LMBR1: variants seen among roughly 807,000 people sequenced by gnomAD.
LMBR1 encodes limb region 1 protein homolog.
A neutral mutation model predicts 73.9 loss-of-function variants in LMBR1; 52 were observed. The ratio of observed to expected loss-of-function variants is 0.70; its 90% CI spans 0.56 to 0.89. The LOEUF (loss-of-function observed/expected upper bound fraction) is 0.89. LMBR1 is among the 40% of genes least tolerant of loss of function. The pLI, the probability that LMBR1 is intolerant of heterozygous loss-of-function variation, is 0.00. For missense variants in LMBR1, 539 were observed against 579.8 expected, an observed-to-expected ratio of 0.93 and a Z score of 0.72; for synonymous variants, 215 against 209.4, an observed-to-expected ratio of 1.03 and a Z score of -0.23.
Position 156,684,041 on chromosome 7 carries a change from C to A in LMBR1, c.*37G>T, listed in dbSNP as rs565722197. On this transcript the variant is annotated 3_prime_UTR_variant, in exon 17 of 17. Coordinates refer to ENST00000353442, the MANE Select transcript of LMBR1 (RefSeq NM_022458.4). ...AGGAATGTCGTGAATCTGGAGTTCTCGGGTCTCTTGGTGGCAGAAGACGCC... is the reference window on the plus strand; with the variant it reads ...AGGAATGTCGTGAATCTGGAGTTCTAGGGTCTCTTGGTGGCAGAAGACGCC... 1 of 1,518,714 alleles carries A rather than the reference C, an allele frequency of 6.6e-7. No homozygotes were observed. Among genetic ancestry groups the A allele is most frequent in the Non-Finnish European group, 9.1e-7 (1 of 1,095,178 alleles). 94.1% of individuals were successfully genotyped at this position (1,518,714 alleles called of 1,614,324 possible).
At chr7:156,840,660 T>C (rs1439717073) in intron 1 of LMBR1, among the ~76,000 whole-genome samples, 1 of 151,838 alleles carries the variant, frequency 6.6e-6, no homozygotes, top group Non-Finnish European at 1.5e-5. Flanking sequence ...ATAAGTGCTA[T>C]GCAGAAAATA....
chr7:156,749,903 G>A (rs1023101948), intron 9 of LMBR1, among the ~76,000 whole-genome samples: 1 of 151,938 alleles, frequency 6.6e-6, no homozygotes, highest in Non-Finnish European at 1.5e-5. Context: ...TGGCCAGGTG[G>A]GTCTTGAACT....
Position 156,725,781 on chromosome 7 carries a change from A to C in LMBR1, c.1050T>G (p.Leu350=). ...LSTFGFVGAA[L]EIILIFYLMV... ...AAGGATACAAAATCAAAATGATTTC[A>C]AGCGCAGCTCCCACAAAACCAAACG... The change falls in exon 13 of 17, where the codon CTT becomes CTG. Residue 350 remains leucine (L), a synonymous_variant. Coordinates refer to ENST00000353442, the MANE Select transcript of LMBR1 (RefSeq NM_022458.4). The C allele has an allele frequency of 6.2e-7, 1 of 1,613,654 alleles. No homozygotes were observed. Among genetic ancestry groups the C allele is most frequent in the South Asian group, 1.1e-5 (1 of 90,994 alleles).
chr7:156,820,069 C>T (rs981176394), intron 4 of LMBR1, among the ~76,000 whole-genome samples: 1 of 152,176 alleles, frequency 6.6e-6, no homozygotes, highest in Admixed American at 6.5e-5. Context: ...TCCCACTACA[C>T]CCCCATTCGA....
At chr7:156,842,380 T>C (rs1217081111) in intron 1 of LMBR1, among the ~76,000 whole-genome samples, 1 of 140,576 alleles carries the variant, frequency 7.1e-6, no homozygotes, top group East Asian at 2.1e-4. Flanking sequence ...CAAAGACAGT[T>C]ATTTAATTAA....
At chr7:156,694,624 A>G (rs1585219334) in intron 15 of LMBR1, among the ~76,000 whole-genome samples, 1 of 152,234 alleles carries the variant, frequency 6.6e-6, no homozygotes, top group East Asian at 1.9e-4. Context: ...GCAGAGAAAA[A>G]GTAAAATTAT....
chr7:156,735,151 AGATTGCT>A (rs1401157245), intron 9 of LMBR1, among the ~76,000 whole-genome samples: 1 of 152,224 alleles, frequency 6.6e-6, no homozygotes, highest in Non-Finnish European at 1.5e-5. Context: ...CCCAAAACTT[AGATTGCT>A]GAGTAGGGTA....
intron 1 of LMBR1, among the ~76,000 whole-genome samples, chr7:156,866,928 T>A (rs1301749262): frequency 6.6e-6 from 1 of 152,190 alleles, no homozygotes; most frequent in Non-Finnish European, 1.5e-5. Context: ...AAGATCCTTG[T>A]GATAGTTCTT....
chr7:156,713,070 T>C (rs1812415607), intron 15 of LMBR1, among the ~76,000 whole-genome samples: 1 of 152,156 alleles, frequency 6.6e-6, no homozygotes, highest in Non-Finnish European at 1.5e-5. Context: ...GTTAAAAAGA[T>C]ATGAGCTATC....
chr7:156,880,571 T>C (rs373638564), intron 1 of LMBR1, among the ~76,000 whole-genome samples: 3 of 152,244 alleles, frequency 2.0e-5, no homozygotes, highest in East Asian at 3.9e-4. Flanking sequence ...CCTATGTTCA[T>C]GGATTGGAAG....
rs867666168 is a variant in LMBR1 at position 156,729,112 on chromosome 7, G to A, written c.839-392C>T. Among the ~76,000 whole-genome samples, 9 of 152,152 alleles carry A rather than the reference G, an allele frequency of 5.9e-5. No individual in the cohort carries two copies. The South Asian group carries it at 6.2e-4, about 11-fold the overall frequency. On this transcript the variant is annotated intron_variant, in intron 10 of 16. Transcript: ENST00000353442. ...TCCCCGCTCAGCTTCCTAACATGGTGAGATTACAGGCACGAACTACGATAC... is the reference window on the plus strand; with the variant it reads ...TCCCCGCTCAGCTTCCTAACATGGTAAGATTACAGGCACGAACTACGATAC...
rs1801500304 is a variant in LMBR1, at chr7:156,883,990, C to T, written c.66+8938G>A. On this transcript the variant is annotated intron_variant, in intron 1 of 16. Coordinates refer to ENST00000353442, the MANE Select transcript of LMBR1 (RefSeq NM_022458.4). ...ACTTCAGGGGCCATTATGCTGCCTA[C>T]CGCAGAGGGGAAGCTGATTTAACCC... Among the ~76,000 whole-genome samples, 3 of 152,302 alleles carry T rather than the reference C, an allele frequency of 2.0e-5. No individual in the cohort carries two copies. The South Asian group carries it at 6.2e-4, about 32-fold the overall frequency.
chr7:156,761,785 C>A (rs993571912), intron 8 of LMBR1, among the ~76,000 whole-genome samples: 22 of 151,766 alleles, frequency 1.4e-4, no homozygotes, highest in African/African-American at 5.1e-4. Context: ...GACCACCCTG[C>A]CTAACACAGT....
At position 156,734,274 on chromosome 7, in the gene LMBR1, A is replaced by C; in HGVS notation, c.758-17T>G. 1 of 1,570,392 alleles carries C rather than the reference A, an allele frequency of 6.4e-7. No individual in the cohort carries two copies. The highest frequency in any genetic ancestry group is 1.2e-5 in the South Asian group (1 of 84,480). On this transcript the variant is annotated splice_polypyrimidine_tract_variant and intron_variant, in intron 9 of 16. Coordinates refer to ENST00000353442, the MANE Select transcript of LMBR1 (RefSeq NM_022458.4). ...AAGACAGCCCTGTTCAAAGCAAAAAATATTTAGAAGTAAAACAGAACCCCT... is the reference window on the plus strand; with the variant it reads ...AAGACAGCCCTGTTCAAAGCAAAAACTATTTAGAAGTAAAACAGAACCCCT...
intron 13 of LMBR1, 78 bp from the exon 14 acceptor site, chr7:156,725,603 G>T: frequency 7.9e-7 from 1 of 1,260,312 alleles, no homozygotes; most frequent in Non-Finnish European, 1.1e-6. Flanking sequence ...AAAGTCTTAA[G>T]GCCCATAGGA....
intron 15 of LMBR1, among the ~76,000 whole-genome samples, chr7:156,702,365 C>G (rs1406984337): frequency 6.6e-6 from 1 of 152,200 alleles, no homozygotes; most frequent in Non-Finnish European, 1.5e-5. Flanking sequence ...TTGCATTTCT[C>G]TAATGCTCAG....
intron 16 of LMBR1, among the ~76,000 whole-genome samples, chr7:156,686,920 A>C (rs1313217356): frequency 1.3e-5 from 2 of 152,234 alleles, no homozygotes; most frequent in Admixed American, 6.5e-5. Flanking sequence ...CTAAGCATTA[A>C]AAGGTATAAG....
At chr7:156,736,913 C>A (rs1817979729) in intron 9 of LMBR1, among the ~76,000 whole-genome samples, 1 of 152,124 alleles carries the variant, frequency 6.6e-6, no homozygotes, top group Non-Finnish European at 1.5e-5. Context: ...TTTTTCTATT[C>A]CTCAGTTATA....
intron 1 of LMBR1, among the ~76,000 whole-genome samples, chr7:156,853,328 T>C (rs1796506783): frequency 6.6e-6 from 1 of 151,732 alleles, no homozygotes; most frequent in East Asian, 1.9e-4. Context: ...CATTCCTTTC[T>C]CTTTTAAAAA....
Sources: gnomAD v4.1 joint callset for allele counts (sites outside exome capture counted in the v4.1 genomes callset) on GRCh38, gnomAD v4.1.1 for gene constraint, MANE v1.5 for transcripts, NCBI Gene and HGNC (gene_info 2026-07-23, HGNC 2026-07-21) for gene names.